DIP2C: variants seen among roughly 807,000 people sequenced by gnomAD.
DIP2C encodes the protein disco-interacting protein 2 homolog C.
Under a neutral mutation model 192.4 loss-of-function variants are expected in DIP2C, and 33 were observed. The observed-to-expected ratio is 0.17, with a 90% CI of 0.13 to 0.23. The LOEUF is 0.23. Among genes scored for constraint, DIP2C ranks in the 10% least tolerant of loss-of-function variants. The probability of loss-of-function intolerance (pLI) is 1.00; values close to 1 mark genes in which losing one functional copy is unlikely to be tolerated. For missense variants in DIP2C, 1,537 were observed against 2,110.1 expected (o/e 0.73, Z 5.32); for synonymous variants, 979 against 864.1 (o/e 1.13, Z -2.33).
chr10:547,595 T>C (rs1168933518), intron 1 of DIP2C, among the ~76,000 whole-genome samples: 1 of 152,192 alleles, frequency 6.6e-6, no homozygotes, highest in African/African-American at 2.4e-5. Flanking sequence ...GTCTCTGTCA[T>C]GAGCTTTAGC....
intron 1 of DIP2C, among the ~76,000 whole-genome samples, chr10:638,878 C>T (rs774458675): frequency 6.6e-6 from 1 of 152,372 alleles, no homozygotes; most frequent in African/African-American, 2.4e-5. Flanking sequence ...GCTCTAATTC[C>T]GCCTCCGGGC....
At chr10:284,491 C>G (rs1360792650) in intron 34 of DIP2C, among the ~76,000 whole-genome samples, 1 of 152,150 alleles carries the variant, frequency 6.6e-6, no homozygotes, top group East Asian at 1.9e-4. Flanking sequence ...AGTGAGAAGC[C>G]AGAACAGAGA....
At position 659,908 on chromosome 10, in the gene DIP2C, G is replaced by A. The variant is rs17841880; in HGVS notation, c.85+29586C>T. The stretch of plus-strand genomic sequence containing the variant: ...CTTTTTACTACCCTTTCATCATCTC[G>A]GAAACTAAATCATAGTTGTCAAAAT... On this transcript the variant is annotated intron_variant, in intron 1 of 36. Transcript: ENST00000280886. 5.6e-4 allele frequency among the ~76,000 whole-genome samples: 85 copies of A among 152,168 alleles called. 1 individual carries two copies. In the East Asian group the frequency reaches 0.01, roughly 19 times the overall value.
At position 418,162 on chromosome 10, in the gene DIP2C, C is replaced by T. The variant is rs111685101; in HGVS notation, c.739+903G>A. 8.1e-3 allele frequency among the ~76,000 whole-genome samples: 273 copies of T among 33,548 alleles called. 7 individuals are homozygous for T. Among genetic ancestry groups the T allele is most frequent in the Middle Eastern group, 0.019 (1 of 52 alleles). 22.0% of individuals were successfully genotyped at this position (33,548 alleles called of 152,430 possible). On this transcript the variant is annotated intron_variant, in intron 6 of 36. Coordinates refer to ENST00000280886, the MANE Select transcript of DIP2C (RefSeq NM_014974.3). ...CCACCTGCACCTGTCAGAGCTCGGA[C>T]AGGCCTCCCTGTCCACCTGCACCTG...
intron 23 of DIP2C, among the ~76,000 whole-genome samples, chr10:356,769 G>A (rs919448429): frequency 1.3e-5 from 2 of 152,228 alleles, no homozygotes; most frequent in South Asian, 2.1e-4. Context: ...AAAGCAAAGG[G>A]CTGGTGCTGC....
intron 24 of DIP2C, among the ~76,000 whole-genome samples, chr10:355,271 C>T (rs992599515): frequency 2.0e-5 from 3 of 152,158 alleles, no homozygotes; most frequent in East Asian, 3.9e-4. Context: ...ACTCAGCATC[C>T]GTGACAACGT....
chr10:401,803 A>C (rs1487325729), intron 9 of DIP2C, among the ~76,000 whole-genome samples: 17 of 149,628 alleles, frequency 1.1e-4, no homozygotes, highest in African/African-American at 3.7e-4. Context: ...GTACATTTTC[A>C]TCAGCACATG....
At chr10:370,794 T>C (rs1379731381) in intron 17 of DIP2C, among the ~76,000 whole-genome samples, 3 of 152,114 alleles carry the variant, frequency 2.0e-5, no homozygotes, top group Admixed American at 6.5e-5. Context: ...AAGTTAGCTG[T>C]TTAACTTTAA....
intron 1 of DIP2C, among the ~76,000 whole-genome samples, chr10:509,000 C>A (rs1845828677): frequency 6.6e-6 from 1 of 152,188 alleles, no homozygotes; most frequent in Non-Finnish European, 1.5e-5. Context: ...AGCCTTTTAA[C>A]TTCAGCCTGT....
At chr10:491,629 T>A (rs948942324) in intron 1 of DIP2C, among the ~76,000 whole-genome samples, 5 of 152,170 alleles carry the variant, frequency 3.3e-5, no homozygotes, top group Admixed American at 1.3e-4. Flanking sequence ...CTAGTGTGGG[T>A]CGCATTTTTC....
chr10:457,436 T>A (rs182122883), intron 3 of DIP2C, among the ~76,000 whole-genome samples: 1 of 152,356 alleles, frequency 6.6e-6, no homozygotes, highest in East Asian at 1.9e-4. Flanking sequence ...CCCTAACCTG[T>A]TTCTGCCTTC....
chr10:517,138 C>T (rs1846414917), intron 1 of DIP2C, among the ~76,000 whole-genome samples: 1 of 151,942 alleles, frequency 6.6e-6, no homozygotes, highest in Non-Finnish European at 1.5e-5. Context: ...CCTGCATGGC[C>T]GCCCCTCTCC....
At chr10:297,829 G>A (rs566480172) in intron 32 of DIP2C, among the ~76,000 whole-genome samples, 1 of 152,152 alleles carries the variant, frequency 6.6e-6, no homozygotes, top group African/African-American at 2.4e-5. Flanking sequence ...CCAAAGAAAT[G>A]ATGCACGCTC....
At chr10:614,143 T>A (rs756862404) in intron 1 of DIP2C, among the ~76,000 whole-genome samples, 22 of 152,174 alleles carry the variant, frequency 1.4e-4, no homozygotes, top group Non-Finnish European at 2.6e-4. Flanking sequence ...CATGCACACA[T>A]GGAGGCATGT....
intron 1 of DIP2C, among the ~76,000 whole-genome samples, chr10:634,487 C>T (rs539964923): frequency 1.3e-5 from 2 of 152,162 alleles, no homozygotes; most frequent in African/African-American, 2.4e-5. Flanking sequence ...AAGTTTCTGC[C>T]GTGGCTGATG....
intron 1 of DIP2C, among the ~76,000 whole-genome samples, chr10:583,116 C>T (rs896147860): frequency 2.0e-5 from 3 of 152,228 alleles, no homozygotes; most frequent in Non-Finnish European, 2.9e-5. Context: ...CCCCACAACA[C>T]ACAGAGAAAT....
At chr10:662,338 G>A (rs1201820507) in intron 1 of DIP2C, among the ~76,000 whole-genome samples, 2 of 152,236 alleles carry the variant, frequency 1.3e-5, no homozygotes, top group Non-Finnish European at 2.9e-5. Flanking sequence ...GGCATTGCCA[G>A]ATAACGCGGA....
chr10:313,986 G>A (rs1956668354), intron 31 of DIP2C, among the ~76,000 whole-genome samples: 1 of 152,206 alleles, frequency 6.6e-6, no homozygotes, highest in African/African-American at 2.4e-5. Context: ...ATGTGTGAAA[G>A]AACGAACAAA....
At chr10:356,805 A>T (rs1043044008) in intron 23 of DIP2C, among the ~76,000 whole-genome samples, 36 of 152,236 alleles carry the variant, frequency 2.4e-4, no homozygotes, top group African/African-American at 7.7e-4. Flanking sequence ...GTTTTCTGAA[A>T]GTCTGCCCAA....
Sources: gnomAD v4.1 joint callset for allele counts (sites outside exome capture counted in the v4.1 genomes callset) on GRCh38, gnomAD v4.1.1 for gene constraint, MANE v1.5 for transcripts, NCBI Gene and HGNC (gene_info 2026-07-23, HGNC 2026-07-21) for gene names.